Variants in TEX2 observed in about 807,000 individuals in gnomAD.
The protein encoded by TEX2 is testis-expressed protein 2.
TEX2 carries 53 observed loss-of-function variants against 106.9 expected under a neutral mutation model. The ratio of observed to expected loss-of-function variants is 0.50; its 90% CI spans 0.40 to 0.62. The LOEUF (loss-of-function observed/expected upper bound fraction) is 0.62, where lower values mean the gene tolerates loss of function less well. Among genes scored for constraint, TEX2 ranks in the 20% least tolerant of loss-of-function variants. TEX2 has a pLI of 0.00. For synonymous variants in TEX2, 523 were observed against 534.8 expected (o/e 0.98, Z 0.30); for missense variants, 1,207 against 1,379.0 (o/e 0.88, Z 1.98).
At chr17:64,186,875 C>G (rs1052776615) in intron 5 of TEX2, among the ~76,000 whole-genome samples, 21 of 152,144 alleles carry the variant, frequency 1.4e-4, no homozygotes, top group African/African-American at 5.1e-4. Context: ...TTAAGTGTCC[C>G]CCAGGCAGAG....
intron 6 of TEX2, among the ~76,000 whole-genome samples, chr17:64,173,096 C>A (rs893669878): frequency 6.6e-6 from 1 of 152,190 alleles, no homozygotes; most frequent in African/African-American, 2.4e-5. Flanking sequence ...CCAACACTTG[C>A]CCTACTAATC....
intron 1 of TEX2, among the ~76,000 whole-genome samples, chr17:64,230,249 G>A (rs2033625529): frequency 6.6e-6 from 1 of 152,180 alleles, no homozygotes; most frequent in Admixed American, 6.5e-5. Flanking sequence ...CAGGGGCCCC[G>A]TGTGAGCTGG....
Position 64,148,108 on chromosome 17 carries a change from G to C in TEX2, c.*861C>G, listed in dbSNP as rs971130066. On this transcript the variant is annotated 3_prime_UTR_variant, in exon 12 of 12. Transcript: ENST00000584379. ...ACTCTCCCAATCAGATTAACAAACT[G>C]TTTCGATTCCCATATAAACCTGGAG... 6.6e-6 allele frequency: 1 copy of C among 152,494 alleles called. No individual in the cohort carries two copies. The highest frequency in any genetic ancestry group is 1.9e-4 in the East Asian group (1 of 5,196). The allele number at this position is 152,494 out of a possible 1,614,324, so 9.4% of individuals were successfully genotyped here.
chr17:64,231,558 C>T (rs1306123687), intron 1 of TEX2, among the ~76,000 whole-genome samples: 1 of 152,190 alleles, frequency 6.6e-6, no homozygotes, highest in Non-Finnish European at 1.5e-5. Flanking sequence ...TCCACTCTAT[C>T]TTGTTTCAGT....
rs144284220 is a variant in TEX2, at chr17:64,231,415, T to C, written c.-25-17173A>G. ...GTGCCCATTCAAGTCTGAAAAACTC[T>C]GAGGCTGACTAAAGGACGGAACCAA... On this transcript the variant is annotated intron_variant, in intron 1 of 11. Transcript: ENST00000584379. Among the ~76,000 whole-genome samples, 42 of 152,322 alleles carry C rather than the reference T, an allele frequency of 2.8e-4. 1 individual carries two copies. The highest frequency in any genetic ancestry group is 5.1e-4 in the Non-Finnish European group (35 of 68,026).
intron 6 of TEX2, among the ~76,000 whole-genome samples, chr17:64,175,852 G>T (rs546820884): frequency 1.5e-4 from 23 of 152,222 alleles, no homozygotes; most frequent in Non-Finnish European, 2.6e-4. Flanking sequence ...GCTGCTCAGG[G>T]AAGGGCCCCT....
intron 1 of TEX2, among the ~76,000 whole-genome samples, chr17:64,218,806 C>A (rs782557875): frequency 6.6e-6 from 1 of 152,018 alleles, no homozygotes; most frequent in Admixed American, 6.6e-5. Flanking sequence ...CTCAAGGAGC[C>A]GGGACCCCAA....
chr17:64,167,356 G>C (rs766522804), intron 7 of TEX2, among the ~76,000 whole-genome samples: 4 of 152,182 alleles, frequency 2.6e-5, no homozygotes, highest in Non-Finnish European at 5.9e-5. Context: ...TGGACACTAT[G>C]GCCGCCTCCA....
In TEX2 at chr17:64,205,935, C is replaced by T. The variant is rs1367231770; in HGVS notation, c.1644+6639G>A. ...ATAAATCTGAGATAAAGAATTTGCT[C>T]GTGAATATAATTCAAAATTGCATCT... On this transcript the variant is annotated intron_variant, in intron 2 of 11. Coordinates refer to ENST00000584379, the MANE Select transcript of TEX2 (RefSeq NM_001288732.2). The surrounding 1 kb of genome is among the most constrained non-coding windows in gnomAD (Gnocchi z 4.0). Among the ~76,000 whole-genome samples, 4 of 152,082 alleles carry T rather than the reference C, an allele frequency of 2.6e-5. No homozygotes were observed. The highest frequency in any genetic ancestry group is 6.6e-5 in the Admixed American group (1 of 15,264).
At chr17:64,222,373 C>T (rs2033380880) in intron 1 of TEX2, among the ~76,000 whole-genome samples, 1 of 151,822 alleles carries the variant, frequency 6.6e-6, no homozygotes, top group Non-Finnish European at 1.5e-5. Flanking sequence ...CAAAAATTAG[C>T]TGGGTGTGGT....
chr17:64,200,020 G>C (rs1284130267), intron 2 of TEX2, among the ~76,000 whole-genome samples: 1 of 152,176 alleles, frequency 6.6e-6, no homozygotes, highest in Admixed American at 6.5e-5. Flanking sequence ...GATAATCTAA[G>C]TAATCACCTA....
At chr17:64,183,484 C>T (rs1023190891) in intron 5 of TEX2, among the ~76,000 whole-genome samples, 1 of 152,030 alleles carries the variant, frequency 6.6e-6, no homozygotes, top group Non-Finnish European at 1.5e-5. Context: ...TGGAGTGAAG[C>T]GGCATGATTT....
chr17:64,195,521 CA>C lies in TEX2; in HGVS notation c.1645-427del, dbSNP rs2032440406. The stretch of plus-strand genomic sequence containing the variant: ...AGCCCAGTTGGAATCTTTGAAATTT[CA>C]GGTATTAATTCATGTTATCACAGGA... On this transcript the variant is annotated intron_variant, in intron 2 of 11. Coordinates refer to ENST00000584379, the MANE Select transcript of TEX2 (RefSeq NM_001288732.2). The surrounding 1 kb of genome is among the most constrained non-coding windows in gnomAD (Gnocchi z 4.1). 6.6e-6 allele frequency among the ~76,000 whole-genome samples: 1 copy of C among 152,146 alleles called. No individual in the cohort carries two copies. Among genetic ancestry groups the C allele is most frequent in the African/African-American group, 2.4e-5 (1 of 41,418 alleles).
At position 64,152,985 on chromosome 17, in the gene TEX2, A is replaced by C; in HGVS notation, c.3100T>G (p.Leu1034Val). 6.2e-7 allele frequency: 1 copy of C among 1,614,160 alleles called. No homozygotes were observed. Among genetic ancestry groups the C allele is most frequent in the East Asian group, 2.2e-5 (1 of 44,880 alleles). ...TVEVQECRGT[L>V]AVNIPPPPTD... ...GGGGGTGGTGGAATGTTGACCGCCA[A>C]GGTTCCTCTACATTCTTGTACTTCA... The change falls in exon 10 of 12, where the codon TTG (leucine) becomes GTG (valine). Residue 1034 changes from leucine to valine, a missense_variant. Leu to Val is a conservative substitution (Grantham distance 32). Coordinates refer to ENST00000584379, the MANE Select transcript of TEX2 (RefSeq NM_001288732.2).
intron 7 of TEX2, among the ~76,000 whole-genome samples, chr17:64,170,622 C>CTTTTTTTTTTTTTTTTTTTT (rs71156002): frequency 2.7e-5 from 2 of 73,742 alleles, no homozygotes; most frequent in African/African-American, 1.1e-4. Flanking sequence ...TATTCCAAAT[C>CTTTTTTTTTTTTTTTTTTTT]TTTTTTTTTT....
At chr17:64,244,852 C>T (rs2033957583) in intron 1 of TEX2, among the ~76,000 whole-genome samples, 1 of 152,116 alleles carries the variant, frequency 6.6e-6, no homozygotes, top group Non-Finnish European at 1.5e-5. Context: ...ACTCTCTACT[C>T]CCCCCAACCC....
chr17:64,199,503 C>G (rs1396534603), intron 2 of TEX2, among the ~76,000 whole-genome samples: 8 of 152,164 alleles, frequency 5.3e-5, no homozygotes, highest in African/African-American at 1.9e-4. Context: ...TCCCAAAGTG[C>G]TGGGATTACA....
At chr17:64,242,932 T>A (rs1284726192) in intron 1 of TEX2, among the ~76,000 whole-genome samples, 10 of 137,292 alleles carry the variant, frequency 7.3e-5, no homozygotes, top group Non-Finnish European at 1.3e-4. Context: ...AAAAAAAAAA[T>A]TTTTTTTTTT....
intron 7 of TEX2, among the ~76,000 whole-genome samples, chr17:64,170,781 C>T (rs866341825): frequency 5.3e-5 from 8 of 151,820 alleles, no homozygotes; most frequent in East Asian, 1.9e-4. Flanking sequence ...TACAGGCACC[C>T]GCCACCACGC....
Sources: allele counts gnomAD v4.1 joint callset (sites outside exome capture counted in the v4.1 genomes callset), GRCh38; gene constraint gnomAD v4.1.1; non-coding constraint Gnocchi (gnomAD v3.1); transcripts MANE v1.5; gene names NCBI Gene and HGNC (gene_info 2026-07-23, HGNC 2026-07-21).